The following RGL1 variants were observed in gnomAD, a reference collection of about 807,000 sequenced individuals.
The protein encoded by RGL1 is ral guanine nucleotide dissociation stimulator-like 1.
In RGL1, 24 loss-of-function variants were observed where a neutral mutation model predicts 95.2. The observed-to-expected ratio is 0.25, with a 90% CI of 0.18 to 0.35. The LOEUF is 0.35. RGL1 is among the 10% of genes least tolerant of loss of function. RGL1 has a pLI of 1.00. For missense variants in RGL1, 715 were observed against 936.3 expected (o/e 0.76, Z 3.08); for synonymous variants, 329 against 344.9 (o/e 0.95, Z 0.51).
At chr1:183,777,821 C>T (rs949333097) in intron 2 of RGL1, among the ~76,000 whole-genome samples, 8 of 152,140 alleles carry the variant, frequency 5.3e-5, no homozygotes, top group South Asian at 2.1e-4. Flanking sequence ...TTTTTATTGT[C>T]GTTTGAGTTT....
rs554137988 is a variant in RGL1, at chr1:183,852,513, C to G, written c.347+4739C>G. Reference sequence around the variant, plus strand: ...TCTTTTATCTAACTTCAAACATACACTCACTCAGTTAAAAATCTGGCCAGG... The same window carrying G: ...TCTTTTATCTAACTTCAAACATACAGTCACTCAGTTAAAAATCTGGCCAGG... On this transcript the variant is annotated intron_variant, in intron 3 of 17. Transcript: ENST00000360851. Among the ~76,000 whole-genome samples, 30 of 152,254 alleles carry G rather than the reference C, an allele frequency of 2.0e-4. 1 individual carries two copies. The highest frequency in any genetic ancestry group is 6.7e-4 in the African/African-American group (28 of 41,552).
intron 2 of RGL1, among the ~76,000 whole-genome samples, chr1:183,745,065 G>A (rs1657538137): frequency 6.6e-6 from 1 of 152,020 alleles, no homozygotes; most frequent in South Asian, 2.1e-4. Context: ...TTAAATATTG[G>A]CCAGTCTGTT....
chr1:183,789,892 T>C (rs1040664759), intron 2 of RGL1, among the ~76,000 whole-genome samples: 2 of 147,188 alleles, frequency 1.4e-5, no homozygotes, highest in East Asian at 4.6e-4. Flanking sequence ...CGCAATTACA[T>C]TTGCACCAAC....
intron 1 of RGL1, among the ~76,000 whole-genome samples, chr1:183,655,321 T>A (rs1189822053): frequency 6.6e-6 from 1 of 152,220 alleles, no homozygotes; most frequent in Admixed American, 6.5e-5. Context: ...TCTCTTTGGG[T>A]GGCAGGAAGT....
chr1:183,760,068 ATT>A (rs1013621130), intron 2 of RGL1, among the ~76,000 whole-genome samples: 6 of 151,856 alleles, frequency 4.0e-5, no homozygotes, highest in Non-Finnish European at 5.9e-5. Context: ...AGTCACATAA[ATT>A]TTTTTTTGTT....
chr1:183,742,105 A>G (rs1179010366), intron 1 of RGL1: 4 of 1,600,270 alleles, frequency 2.5e-6, no homozygotes, highest in Non-Finnish European at 3.4e-6. Context: ...AACCTGGATC[A>G]CACTTTATTC....
intron 1 of RGL1, chr1:183,648,088 T>C (rs2101990549): frequency 1.9e-6 from 3 of 1,614,278 alleles, no homozygotes; most frequent in East Asian, 4.5e-5. Context: ...ACGCCTGTTA[T>C]GGCATTGATT....
chr1:183,678,748 A>G (rs899185396), intron 1 of RGL1, among the ~76,000 whole-genome samples: 2 of 152,088 alleles, frequency 1.3e-5, no homozygotes, highest in Non-Finnish European at 2.9e-5. Flanking sequence ...GAATGAGTCT[A>G]TTTCCTAAGG....
chr1:183,674,429 T>G (rs1040735001), intron 1 of RGL1, among the ~76,000 whole-genome samples: 1 of 152,224 alleles, frequency 6.6e-6, no homozygotes, highest in South Asian at 2.1e-4. Flanking sequence ...TTCCTGTGTA[T>G]CAAATAAAAC....
chr1:183,713,389 G>A (rs927179449), intron 1 of RGL1, among the ~76,000 whole-genome samples: 5 of 19,862 alleles, frequency 2.5e-4, no homozygotes, highest in African/African-American at 1.2e-3. Flanking sequence ...CCCCCCCCCC[G>A]CTTTTATAAT....
At chr1:183,923,361 G>C (rs572271988) in intron 17 of RGL1, among the ~76,000 whole-genome samples, 1 of 152,206 alleles carries the variant, frequency 6.6e-6, no homozygotes. Context: ...TTCTTTTTCA[G>C]TTTCCTCTTG....
At chr1:183,675,213 A>T (rs922164528) in intron 1 of RGL1, among the ~76,000 whole-genome samples, 12 of 152,116 alleles carry the variant, frequency 7.9e-5, no homozygotes, top group Admixed American at 7.9e-4. Flanking sequence ...TTTGGTTGGG[A>T]TGGGGAAAGT....
intron 8 of RGL1, among the ~76,000 whole-genome samples, chr1:183,891,307 A>G (rs1254099257): frequency 6.6e-6 from 1 of 152,104 alleles, no homozygotes; most frequent in Non-Finnish European, 1.5e-5. Context: ...TGTAGAGAAA[A>G]CCATGAGGCT....
At chr1:183,887,407 T>C (rs1247552753) in intron 7 of RGL1, among the ~76,000 whole-genome samples, 3 of 151,914 alleles carry the variant, frequency 2.0e-5, no homozygotes, top group African/African-American at 7.3e-5. Flanking sequence ...GGATTAACAT[T>C]TCTTTGTGAA....
intron 1 of RGL1, among the ~76,000 whole-genome samples, chr1:183,643,977 G>A (rs1650119158): frequency 6.6e-6 from 1 of 152,104 alleles, no homozygotes; most frequent in Non-Finnish European, 1.5e-5. Flanking sequence ...AGGGGAGTGG[G>A]GGAGGGCCAA....
chr1:183,746,305 A>G (rs1303206558), intron 2 of RGL1, among the ~76,000 whole-genome samples: 2 of 152,074 alleles, frequency 1.3e-5, no homozygotes, highest in Non-Finnish European at 2.9e-5. Flanking sequence ...CTCAAACAAT[A>G]CTGTTGAGTT....
intron 1 of RGL1, among the ~76,000 whole-genome samples, chr1:183,663,755 C>T (rs1489021992): frequency 2.6e-5 from 4 of 151,574 alleles, no homozygotes; most frequent in East Asian, 1.9e-4. Context: ...TATAAAGACA[C>T]GTGCACACGT....
At chr1:183,667,470 A>C (rs1048278533) in intron 1 of RGL1, among the ~76,000 whole-genome samples, 1 of 151,822 alleles carries the variant, frequency 6.6e-6, no homozygotes, top group African/African-American at 2.4e-5. Flanking sequence ...GATTACAGGC[A>C]TGTGCCACCA....
intron 2 of RGL1, among the ~76,000 whole-genome samples, chr1:183,799,123 C>T (rs1393092347): frequency 6.6e-6 from 1 of 151,966 alleles, no homozygotes; most frequent in Non-Finnish European, 1.5e-5. Flanking sequence ...AGGATGGTCT[C>T]GATCTCCCAA....
Sources: gnomAD v4.1 joint callset for allele counts (sites outside exome capture counted in the v4.1 genomes callset) on GRCh38, gnomAD v4.1.1 for gene constraint, MANE v1.5 for transcripts, NCBI Gene and HGNC (gene_info 2026-07-23, HGNC 2026-07-21) for gene names.